The following MEI4 variants were observed in gnomAD, a reference collection of about 807,000 sequenced individuals.
MEI4 encodes meiosis-specific protein MEI4.
In MEI4, 27 loss-of-function variants were observed where a neutral mutation model predicts 31.4. The observed-to-expected ratio is 0.86, with a 90% CI of 0.63 to 1.19. The LOEUF (loss-of-function observed/expected upper bound fraction) is 1.19, where lower values mean the gene tolerates loss of function less well. Ranked by LOEUF, MEI4 falls within the 50% of genes most tolerant of loss-of-function variation. MEI4 has a pLI of 0.00. For missense variants in MEI4, 329 were observed against 398.9 expected, an observed-to-expected ratio of 0.82 and a Z score of 1.49; for synonymous variants, 122 against 145.4, an observed-to-expected ratio of 0.84 and a Z score of 1.16.
chr6:77,835,371 AAAACAC>A (rs1447152548), intron 4 of MEI4, among the ~76,000 whole-genome samples: 4 of 100,792 alleles, frequency 4.0e-5, no homozygotes, highest in African/African-American at 1.8e-4. Flanking sequence ...AAAACAAAAC[AAAACAC>A]ACACACACAC....
At chr6:77,854,646 C>T (rs1424635834) in intron 4 of MEI4, among the ~76,000 whole-genome samples, 5 of 151,984 alleles carry the variant, frequency 3.3e-5, no homozygotes, top group Admixed American at 2.0e-4. Flanking sequence ...ATGTAGACAC[C>T]ATTTGTGTCT....
In MEI4 at chr6:77,847,513, T is replaced by C. The variant is rs972936494; in HGVS notation, c.900+18451T>C. Among the ~76,000 whole-genome samples, 3 of 152,150 alleles carry C rather than the reference T, an allele frequency of 2.0e-5. No homozygotes were observed. The highest frequency in any genetic ancestry group is 2.9e-5 in the Non-Finnish European group (2 of 68,022). On this transcript the variant is annotated intron_variant, in intron 4 of 4. Coordinates refer to ENST00000684080, the MANE Select transcript of MEI4 (RefSeq NM_001322247.2). This position sits in a 1 kb window ranked among gnomAD's most constrained non-coding sequence, Gnocchi z 4.6. The stretch of plus-strand genomic sequence containing the variant: ...TGAGAAAATATCAAATGCATTTCAA[T>C]AATATACCTTTACTGATTGTTTTTC...
At chr6:77,831,052 A>G (rs1770066488) in intron 4 of MEI4, among the ~76,000 whole-genome samples, 1 of 151,902 alleles carries the variant, frequency 6.6e-6, no homozygotes, top group South Asian at 2.1e-4. Context: ...AAACAACTCA[A>G]TACCAAGAAA....
intron 2 of MEI4, among the ~76,000 whole-genome samples, chr6:77,696,527 T>A (rs1766050045): frequency 6.6e-6 from 1 of 151,962 alleles, no homozygotes; most frequent in Non-Finnish European, 1.5e-5. Context: ...GATAATCATG[T>A]GGTTTTTGTC....
rs58131734 is a variant in MEI4 at position 77,792,861 on chromosome 6, C to T, written c.768+31196C>T. Reference sequence around the variant, plus strand: ...CCGAGTAGCTGGGACTACAGGTGCACGCCACCATGGCCGGCTAATGTTTTG... The same window carrying T: ...CCGAGTAGCTGGGACTACAGGTGCATGCCACCATGGCCGGCTAATGTTTTG... On this transcript the variant is annotated intron_variant, in intron 3 of 4. Coordinates refer to ENST00000684080, the MANE Select transcript of MEI4 (RefSeq NM_001322247.2). 9.9e-3 allele frequency among the ~76,000 whole-genome samples: 1,506 copies of T among 151,926 alleles called. 18 individuals carry two copies. Among genetic ancestry groups the T allele is most frequent in the African/African-American group, 0.033 (1,353 of 41,428 alleles).
intron 3 of MEI4, among the ~76,000 whole-genome samples, chr6:77,801,472 T>C (rs1026938381): frequency 4.6e-5 from 7 of 152,182 alleles, no homozygotes; most frequent in Admixed American, 2.0e-4. Context: ...AAGGGTTTTT[T>C]GTGTCTCTAT....
chr6:77,757,962 C>G (rs1278526974), intron 2 of MEI4, among the ~76,000 whole-genome samples: 1 of 152,002 alleles, frequency 6.6e-6, no homozygotes, highest in Admixed American at 6.6e-5. Context: ...TCGAGACCAT[C>G]CTGGCCAACA....
rs374663608 is a variant in MEI4, at chr6:77,791,613, A to G, written c.768+29948A>G. ...GAGTTAGTGGGTGCAGCGCACCAGC[A>G]TGGCACATGTATACATATGTAACTA... On this transcript the variant is annotated intron_variant, in intron 3 of 4. Transcript: ENST00000684080. Among the ~76,000 whole-genome samples the G allele has an allele frequency of 2.4e-4, 36 of 150,632 alleles. No homozygotes were observed. In the East Asian group the frequency reaches 4.9e-3, roughly 21 times the overall value.
At chr6:77,699,189 C>CT (rs70974682) in intron 2 of MEI4, among the ~76,000 whole-genome samples, 28,775 of 113,678 alleles carry the variant, frequency 0.25, 5,944 homozygotes, top group African/African-American at 0.49. Flanking sequence ...TTCAAAGTTT[C>CT]TTTTTTTTTT....
intron 3 of MEI4, among the ~76,000 whole-genome samples, chr6:77,795,766 G>GGA (rs778959708): frequency 4.2e-5 from 6 of 143,672 alleles, no homozygotes; most frequent in Admixed American, 2.8e-4. Context: ...GATTGCATTG[G>GGA]AAAAAAAAAA....
At position 77,694,369 on chromosome 6, in the gene MEI4, G is replaced by A. The variant is rs1050699557; in HGVS notation, c.232+3466G>A. Among the ~76,000 whole-genome samples, 5 of 151,698 alleles carry A rather than the reference G, an allele frequency of 3.3e-5. No individual in the cohort carries two copies. The East Asian group carries it at 5.8e-4, about 18-fold the overall frequency. ...GTTGGTGTGCTGCACCCATTAACTC[G>A]TCATTTAGCATTAGGTATATCTCCT... On this transcript the variant is annotated intron_variant, in intron 2 of 4. Coordinates refer to ENST00000684080, the MANE Select transcript of MEI4 (RefSeq NM_001322247.2).
At chr6:77,901,777 A>C (rs2127735340) in intron 4 of MEI4, among the ~76,000 whole-genome samples, 1 of 152,212 alleles carries the variant, frequency 6.6e-6, no homozygotes, top group African/African-American at 2.4e-5. Flanking sequence ...ATATCCAAAA[A>C]ATAATTGCCA....
In MEI4 at chr6:77,830,326, C is replaced by T. The variant is rs760324822; in HGVS notation, c.900+1264C>T. ...TGTGGAAAGTGAGTTTAATTGAATT[C>T]GATTGTTTGGAGGATGTCAGTAAGT... On this transcript the variant is annotated intron_variant, in intron 4 of 4. Coordinates refer to ENST00000684080, the MANE Select transcript of MEI4 (RefSeq NM_001322247.2). Among the ~76,000 whole-genome samples, 8 of 151,976 alleles carry T rather than the reference C, an allele frequency of 5.3e-5. No homozygotes were observed. In the South Asian group the frequency reaches 1.2e-3, roughly 24 times the overall value.
intron 4 of MEI4, among the ~76,000 whole-genome samples, chr6:77,866,126 C>T (rs1237543497): frequency 6.6e-6 from 1 of 151,894 alleles, no homozygotes; most frequent in Non-Finnish European, 1.5e-5. Context: ...CAATATCATA[C>T]TGAATGGGCA....
intron 2 of MEI4, among the ~76,000 whole-genome samples, chr6:77,729,280 T>G (rs1380977909): frequency 1.3e-5 from 2 of 152,068 alleles, no homozygotes; most frequent in Non-Finnish European, 1.5e-5. Context: ...CATGTGGGAG[T>G]TAATTATATC....
intron 3 of MEI4, among the ~76,000 whole-genome samples, chr6:77,802,090 A>G (rs2127700947): frequency 6.6e-6 from 1 of 152,128 alleles, no homozygotes; most frequent in Non-Finnish European, 1.5e-5. Flanking sequence ...TCCCATTATT[A>G]TTGTATGGGA....
intron 1 of MEI4, among the ~76,000 whole-genome samples, chr6:77,659,662 G>A (rs1768465063): frequency 6.6e-6 from 1 of 152,172 alleles, no homozygotes; most frequent in Admixed American, 6.5e-5. Flanking sequence ...AGGATGGAGT[G>A]AAATAGAGGG....
chr6:77,833,753 A>G (rs146585649), intron 4 of MEI4, among the ~76,000 whole-genome samples: 1 of 152,048 alleles, frequency 6.6e-6, no homozygotes, highest in African/African-American at 2.4e-5. Context: ...CCCCGCATGC[A>G]TTAGGTATTT....
chr6:77,782,140 T>A (rs559746961), intron 3 of MEI4, among the ~76,000 whole-genome samples: 1 of 152,228 alleles, frequency 6.6e-6, no homozygotes, highest in South Asian at 2.1e-4. Context: ...ATGTTGTGAA[T>A]GCAGCTTGAA....
Sources: allele counts gnomAD v4.1 joint callset (sites outside exome capture counted in the v4.1 genomes callset), GRCh38; gene constraint gnomAD v4.1.1; non-coding constraint Gnocchi (gnomAD v3.1); transcripts MANE v1.5; gene names NCBI Gene and HGNC (gene_info 2026-07-23, HGNC 2026-07-21).